MACF1: variants seen among roughly 807,000 people sequenced by gnomAD.
MACF1 encodes the protein microtubule-actin cross-linking factor 1.
A neutral mutation model predicts 854.8 loss-of-function variants in MACF1; 193 were observed. That is an observed-to-expected ratio of 0.23 (90% CI 0.20 to 0.25). MACF1 has a LOEUF of 0.25. Among genes scored for constraint, MACF1 ranks in the 10% least tolerant of loss-of-function variants. MACF1 has a pLI of 1.00. For missense variants in MACF1, 7,722 were observed against 8,929.1 expected (o/e 0.86, Z 5.45); for synonymous variants, 3,185 against 3,226.7 (o/e 0.99, Z 0.44).
chr1:39,302,939 AATG>A lies in MACF1; in HGVS notation c.2655_2657del (p.Asp885del). ...ATCTCTTCAGATTACTATTTGCAAAAATGATGAATGTGTGCTAGAAGATAATTC... is the reference window on the plus strand; with the variant it reads ...ATCTCTTCAGATTACTATTTGCAAAAATGAATGTGTGCTAGAAGATAATTC... On this transcript the variant is annotated inframe_deletion, in exon 23 of 101. Transcript: ENST00000564288. 1 of 1,613,800 alleles carries A rather than the reference AATG, an allele frequency of 6.2e-7. No individual in the cohort carries two copies. Among genetic ancestry groups the A allele is most frequent in the Non-Finnish European group, 8.5e-7 (1 of 1,179,752 alleles).
intron 65 of MACF1, 83 bp from the exon 66 acceptor site, chr1:39,430,619 A>C: frequency 3.0e-5 from 31 of 1,028,518 alleles, no homozygotes; most frequent in Non-Finnish European, 4.2e-5. Context: ...GATGTGTGGT[A>C]GAGATAGCAA....
intron 35 of MACF1, among the ~76,000 whole-genome samples, chr1:39,325,620 A>G (rs74066747): frequency 0.03 from 4,552 of 152,358 alleles, 209 homozygotes; most frequent in African/African-American, 0.1. Context: ...CCCAGTGGAC[A>G]TGCAAGAGGA....
chr1:39,140,203 C>T (rs190307213), intron 2 of MACF1, among the ~76,000 whole-genome samples: 3 of 152,234 alleles, frequency 2.0e-5, no homozygotes, highest in South Asian at 2.1e-4. Flanking sequence ...GATCCTTCTG[C>T]GTTAGTCCTC....
rs1347002143 is a variant in MACF1 at position 39,334,121 on chromosome 1, A to G, written c.7533A>G (p.Ile2511Met). Residue 2511 changes from isoleucine (I) to methionine (M), a missense_variant, in exon 37 of 101, where the codon ATA (isoleucine) becomes ATG (methionine). By Grantham distance (10) the Ile-to-Met change is conservative. Coordinates refer to ENST00000564288, the MANE Select transcript of MACF1 (RefSeq NM_001394062.1). ...TAGATGGAGGTATCATTCACCATAT[A>G]TCTGGGATGAGACTTTCTGTTGATA... ...QVVDGGIIHHISGMRLSVDNA... is the reference protein window; with the variant it reads ...QVVDGGIIHHMSGMRLSVDNA... The G allele has an allele frequency of 1.2e-6, 2 of 1,614,148 alleles. No individual in the cohort carries two copies. The highest frequency in any genetic ancestry group is 1.7e-6 in the Non-Finnish European group (2 of 1,180,008).
intron 24 of MACF1, among the ~76,000 whole-genome samples, chr1:39,309,963 A>G (rs1216230290): frequency 1.3e-5 from 2 of 152,222 alleles, no homozygotes; most frequent in African/African-American, 2.4e-5. Context: ...CTGTAAGACA[A>G]TCATGTCTTT....
At chr1:39,163,764 C>T (rs1224472687) in intron 2 of MACF1, among the ~76,000 whole-genome samples, 6 of 152,216 alleles carry the variant, frequency 3.9e-5, no homozygotes, top group Non-Finnish European at 8.8e-5. Flanking sequence ...CCCCAACATA[C>T]ACCCTCAGAG....
chr1:39,234,779 A>T, intron 2 of MACF1, among the ~76,000 whole-genome samples: 1 of 110,932 alleles, frequency 9.0e-6, no homozygotes, highest in Admixed American at 9.5e-5. Context: ...GGGTCTCCTC[A>T]CTTCTCAGAC....
At chr1:39,323,151 G>A in intron 33 of MACF1, 143 bp downstream of exon 33, 1 of 717,058 alleles carries the variant, frequency 1.4e-6, no homozygotes, top group South Asian at 1.6e-5. Flanking sequence ...TCCAGCATGG[G>A]TGACATAGGG....
chr1:39,344,071 C>T (rs183843947), intron 40 of MACF1, among the ~76,000 whole-genome samples: 20 of 145,878 alleles, frequency 1.4e-4, no homozygotes, highest in African/African-American at 5.1e-4. Flanking sequence ...GCCGAGGTTG[C>T]GCCATTGCAC....
At chr1:39,344,812 C>G (rs939249058) in intron 40 of MACF1, among the ~76,000 whole-genome samples, 2 of 152,198 alleles carry the variant, frequency 1.3e-5, no homozygotes, top group African/African-American at 2.4e-5. Context: ...CTCCTGAGAT[C>G]TTACCTGGAA....
chr1:39,105,703 T>TACGA lies in MACF1; in HGVS notation c.220+21265_220+21266insACGA. On this transcript the variant is annotated intron_variant, in intron 2 of 93. Coordinates refer to the MACF1 transcript ENST00000361689. The surrounding 1 kb of genome is among the most constrained non-coding windows in gnomAD (Gnocchi z 5.9). The stretch of plus-strand genomic sequence containing the variant: ...TTCGTGCAGGCGTACGAGGATGTGC[T>TACGA]GGAGCGGTACAAAGGTAGGGCCGGG... 1 of 1,226,800 alleles carries TACGA rather than the reference T, an allele frequency of 8.2e-7. No individual in the cohort carries two copies. Among genetic ancestry groups the TACGA allele is most frequent in the Non-Finnish European group, 1.0e-6 (1 of 956,952 alleles). The allele number at this position is 1,226,800 out of a possible 1,614,324, so 76.0% of individuals were successfully genotyped here. A position where few individuals can be genotyped will look rare whatever the true frequency, so the allele number is the denominator to read the frequency against.
chr1:39,275,129 A>C (rs1179580078), intron 6 of MACF1, among the ~76,000 whole-genome samples: 2 of 147,228 alleles, frequency 1.4e-5, no homozygotes, highest in Non-Finnish European at 3.0e-5. Flanking sequence ...CCCAGGCTGG[A>C]GTGCAGTGGC....
chr1:39,144,934 G>C (rs902705986), intron 2 of MACF1, among the ~76,000 whole-genome samples: 4 of 152,050 alleles, frequency 2.6e-5, no homozygotes, highest in Non-Finnish European at 5.9e-5. Context: ...CATTAAACCT[G>C]TTCTCTGCTG....
At chr1:39,171,101 G>A (rs1410713311) in intron 2 of MACF1, among the ~76,000 whole-genome samples, 1 of 151,982 alleles carries the variant, frequency 6.6e-6, no homozygotes, top group Non-Finnish European at 1.5e-5. Context: ...TTTATTTGTG[G>A]TCCAACAGCA....
intron 46 of MACF1, 72 bp from the exon 47 acceptor site, chr1:39,359,069 G>A: frequency 1.3e-6 from 2 of 1,573,372 alleles, no homozygotes; most frequent in Non-Finnish European, 8.7e-7. Flanking sequence ...AAGCTGTTCA[G>A]TAGCTCCGGA....
intron 2 of MACF1, among the ~76,000 whole-genome samples, chr1:39,246,641 T>A (rs1644984551): frequency 1.3e-5 from 2 of 151,996 alleles, no homozygotes; most frequent in African/African-American, 2.4e-5. Context: ...TCTGAGTAGC[T>A]GGAATTACAG....
intron 48 of MACF1, 93 bp downstream of exon 48, chr1:39,361,094 T>A: frequency 9.8e-7 from 1 of 1,018,092 alleles, no homozygotes; most frequent in Admixed American, 2.2e-5. Flanking sequence ...GGGAACCTAA[T>A]ATCTGTGAAT....
chr1:39,215,389 C>T (rs567299427), intron 1 of MACF1: 4 of 152,064 alleles, frequency 2.6e-5, no homozygotes, highest in East Asian at 1.9e-4. Context: ...AAGATGAACA[C>T]GAGTTCAACG....
chr1:39,254,012 A>G (rs936444130), intron 4 of MACF1: 2 of 355,512 alleles, frequency 5.6e-6, no homozygotes, highest in Admixed American at 8.6e-5. Flanking sequence ...GTGACTGCAG[A>G]TGAACCTGAA....
Sources: allele counts gnomAD v4.1 joint callset (sites outside exome capture counted in the v4.1 genomes callset), GRCh38; gene constraint gnomAD v4.1.1; non-coding constraint Gnocchi (gnomAD v3.1); transcripts MANE v1.5; gene names NCBI Gene and HGNC (gene_info 2026-07-23, HGNC 2026-07-21).